SGK3: variants seen among roughly 807,000 people sequenced by gnomAD.
SGK3 encodes serine/threonine-protein kinase Sgk3.
SGK3 carries 47 observed loss-of-function variants against 68.5 expected under a neutral mutation model. The observed-to-expected ratio is 0.69, with a 90% confidence interval of 0.54 to 0.87. The LOEUF (loss-of-function observed/expected upper bound fraction) is 0.87, where lower values mean the gene tolerates loss of function less well. Ranked by LOEUF, SGK3 falls within the 40% of genes least tolerant of loss-of-function variation. The probability of loss-of-function intolerance (pLI) is 0.00; values close to 1 mark genes in which losing one functional copy is unlikely to be tolerated. For missense variants in SGK3, 479 were observed against 575.5 expected, an observed-to-expected ratio of 0.83 and a Z score of 1.72; for synonymous variants, 181 against 189.1, an observed-to-expected ratio of 0.96 and a Z score of 0.35.
At chr8:66,779,422 A>G (rs935013435) in intron 1 of SGK3, among the ~76,000 whole-genome samples, 4 of 151,540 alleles carry the variant, frequency 2.6e-5, no homozygotes, top group Non-Finnish European at 4.4e-5. Flanking sequence ...TAGGGCATAC[A>G]TTAACTTATT....
At chr8:66,722,408 A>G (rs1393132149) in intron 1 of SGK3, among the ~76,000 whole-genome samples, 1 of 152,154 alleles carries the variant, frequency 6.6e-6, no homozygotes, top group Non-Finnish European at 1.5e-5. Flanking sequence ...TTAGCCTCCC[A>G]GGTAGCTGGG....
chr8:66,828,118 C>T (rs1371429159), intron 6 of SGK3, among the ~76,000 whole-genome samples: 1 of 150,422 alleles, frequency 6.6e-6, no homozygotes, highest in Non-Finnish European at 1.5e-5. Flanking sequence ...AGGGAGACTC[C>T]GTCTCAGAAA....
intron 5 of SGK3, among the ~76,000 whole-genome samples, chr8:66,816,686 T>G (rs1808597411): frequency 6.6e-6 from 1 of 152,038 alleles, no homozygotes; most frequent in Non-Finnish European, 1.5e-5. Context: ...TTGACAGAAT[T>G]TTAATTTTCA....
chr8:66,855,645 TG>T (rs1810481457), intron 16 of SGK3, among the ~76,000 whole-genome samples: 1 of 152,140 alleles, frequency 6.6e-6, no homozygotes, highest in African/African-American at 2.4e-5. Flanking sequence ...TACTAGTCAA[TG>T]GGAAGAAACA....
chr8:66,751,417 A>G (rs1462858270), intron 1 of SGK3, among the ~76,000 whole-genome samples: 1 of 152,168 alleles, frequency 6.6e-6, no homozygotes, highest in Non-Finnish European at 1.5e-5. Flanking sequence ...TTAAAATACC[A>G]TTCTATTTTC....
At chr8:66,800,168 C>T (rs1043811434) in intron 3 of SGK3, among the ~76,000 whole-genome samples, 9 of 151,618 alleles carry the variant, frequency 5.9e-5, no homozygotes, top group African/African-American at 2.2e-4. Flanking sequence ...GGTGAAACCC[C>T]GTCTCTACTA....
intron 1 of SGK3, among the ~76,000 whole-genome samples, chr8:66,731,142 A>G (rs771542955): frequency 7.2e-5 from 11 of 152,170 alleles, no homozygotes; most frequent in Non-Finnish European, 1.3e-4. Context: ...CACACTTTGT[A>G]TGATTTTTGT....
intron 1 of SGK3, among the ~76,000 whole-genome samples, chr8:66,791,552 T>C (rs2130565371): frequency 1.3e-5 from 2 of 152,294 alleles, no homozygotes; most frequent in South Asian, 4.1e-4. Context: ...TTCCTTCTCC[T>C]TTATTCCTGA....
Position 66,784,217 on chromosome 8 carries a change from G to A in SGK3, c.-121-9399G>A, listed in dbSNP as rs566892651. On this transcript the variant is annotated intron_variant, in intron 1 of 16. Coordinates refer to ENST00000521198, the MANE Select transcript of SGK3 (RefSeq NM_001033578.3). ...CCCGGCCTACTTTTGCAATTTATGT[G>A]CATGGATTTTCTTTTGTATCTTCCT... Among the ~76,000 whole-genome samples the A allele has an allele frequency of 7.9e-4, 120 of 152,224 alleles. 2 individuals are homozygous for A. In the South Asian group the frequency reaches 0.024, roughly 31 times the overall value.
intron 1 of SGK3, among the ~76,000 whole-genome samples, chr8:66,769,113 T>C (rs1225660797): frequency 6.6e-6 from 1 of 152,210 alleles, no homozygotes; most frequent in Non-Finnish European, 1.5e-5. Context: ...TTTCTACAAA[T>C]GTATTTTCCT....
chr8:66,720,354 C>G (rs28634399), intron 1 of SGK3, among the ~76,000 whole-genome samples: 17,629 of 152,018 alleles, frequency 0.12, 2,755 homozygotes, highest in African/African-American at 0.35. Context: ...ATTAGAACAG[C>G]TGGCATGGTA....
intron 1 of SGK3, among the ~76,000 whole-genome samples, chr8:66,718,526 T>C (rs1804708927): frequency 6.6e-6 from 1 of 151,826 alleles, no homozygotes; most frequent in South Asian, 2.1e-4. Context: ...TAGTTTTTGT[T>C]TTGTTTCGTT....
chr8:66,852,282 T>C (rs1234523462), intron 16 of SGK3, among the ~76,000 whole-genome samples: 3 of 141,032 alleles, frequency 2.1e-5, no homozygotes, highest in African/African-American at 7.9e-5. Flanking sequence ...GAATCCTTTT[T>C]TTTTTTTTTT....
Position 66,842,770 on chromosome 8 carries a change from G to T in SGK3, c.979-682G>T, listed in dbSNP as rs186093632. Among the ~76,000 whole-genome samples, 380 of 152,248 alleles carry T rather than the reference G, an allele frequency of 2.5e-3. 1 individual carries two copies. The highest frequency in any genetic ancestry group is 7.5e-3 in the African/African-American group (311 of 41,548). ...GAAAAGAAAAAAAAGGATTATAATTGCTACATTAAGTATTCTTGCCGGGTG... is the reference window on the plus strand; with the variant it reads ...GAAAAGAAAAAAAAGGATTATAATTTCTACATTAAGTATTCTTGCCGGGTG... On this transcript the variant is annotated intron_variant, in intron 13 of 16. Transcript: ENST00000521198.
intron 1 of SGK3, among the ~76,000 whole-genome samples, chr8:66,749,783 A>G (rs1805758465): frequency 6.6e-6 from 1 of 152,076 alleles, no homozygotes; most frequent in African/African-American, 2.4e-5. Flanking sequence ...TTATATATAG[A>G]TGCAGAAATA....
At chr8:66,751,878 GC>G (rs1364613325) in intron 1 of SGK3, among the ~76,000 whole-genome samples, 2 of 151,974 alleles carry the variant, frequency 1.3e-5, no homozygotes, top group African/African-American at 4.8e-5. Context: ...CAGTTCTCCT[GC>G]CTCAGCCTCC....
chr8:66,784,322 T>G (rs1807112062), intron 1 of SGK3, among the ~76,000 whole-genome samples: 1 of 152,220 alleles, frequency 6.6e-6, no homozygotes, highest in African/African-American at 2.4e-5. Context: ...TGAGGAAAAC[T>G]TGTAGCTCTT....
At chr8:66,729,735 T>TTATTTTTATTTATTTA in intron 1 of SGK3, among the ~76,000 whole-genome samples, 1 of 151,006 alleles carries the variant, frequency 6.6e-6, no homozygotes, top group African/African-American at 2.4e-5. Context: ...ATTTATTTAT[T>TTATTTTTATTTATTTA]TTTATTTATT....
chr8:66,799,561 G>A (rs1342006912), intron 3 of SGK3, among the ~76,000 whole-genome samples: 1 of 152,166 alleles, frequency 6.6e-6, no homozygotes, highest in Non-Finnish European at 1.5e-5. Context: ...AGACAGTCCT[G>A]GATTTAAAGC....
Sources: gnomAD v4.1 joint callset for allele counts (sites outside exome capture counted in the v4.1 genomes callset) on GRCh38, gnomAD v4.1.1 for gene constraint, MANE v1.5 for transcripts, NCBI Gene and HGNC (gene_info 2026-07-23, HGNC 2026-07-21) for gene names.